The following NEDD9 variants were observed in gnomAD, a reference collection of about 807,000 sequenced individuals.
The protein encoded by NEDD9 is neural precursor cell expressed, developmentally down-regulated 9.
Under a neutral mutation model 76.6 loss-of-function variants are expected in NEDD9, and 26 were observed. The observed-to-expected ratio is 0.34, with a 90% CI of 0.25 to 0.47. The LOEUF (loss-of-function observed/expected upper bound fraction) is 0.47, where lower values mean the gene tolerates loss of function less well. Among genes scored for constraint, NEDD9 ranks in the 20% least tolerant of loss-of-function variants. The probability of loss-of-function intolerance (pLI) is 1.00; values close to 1 mark genes in which losing one functional copy is unlikely to be tolerated. For synonymous variants in NEDD9, 392 were observed against 414.2 expected, an observed-to-expected ratio of 0.95 and a Z score of 0.65; for missense variants, 937 against 1,058.5, an observed-to-expected ratio of 0.89 and a Z score of 1.59.
At chr6:11,219,144 G>A (rs1362776062) in intron 1 of NEDD9, among the ~76,000 whole-genome samples, 2 of 152,142 alleles carry the variant, frequency 1.3e-5, no homozygotes, top group Non-Finnish European at 2.9e-5. Flanking sequence ...GGTACAGAGA[G>A]CTCTAGGACA....
chr6:11,187,873 A>C (rs949432565), intron 6 of NEDD9, among the ~76,000 whole-genome samples: 2 of 152,218 alleles, frequency 1.3e-5, no homozygotes, highest in African/African-American at 4.8e-5. Flanking sequence ...TCTGTTACTG[A>C]ATTCCCCTAC....
upstream of NEDD9, among the ~76,000 whole-genome samples, chr6:11,235,495 T>C (rs1408510260): frequency 6.6e-6 from 1 of 152,130 alleles, no homozygotes; most frequent in East Asian, 1.9e-4. This position sits in a 1 kb window ranked among gnomAD's most constrained non-coding sequence, Gnocchi z 4.1. Flanking sequence ...TACAGTCTAG[T>C]GAGAGTTGAG....
At chr6:11,244,315 C>T (rs1227397362) in intron 3 of NEDD9, among the ~76,000 whole-genome samples, 1 of 152,210 alleles carries the variant, frequency 6.6e-6, no homozygotes, top group Non-Finnish European at 1.5e-5. Flanking sequence ...ACACACATGT[C>T]CTGGAGAACC....
intron 2 of NEDD9, among the ~76,000 whole-genome samples, chr6:11,322,729 T>C (rs148833819): frequency 1.9e-3 from 297 of 152,348 alleles, no homozygotes; most frequent in African/African-American, 6.7e-3. Context: ...CGGAATGACG[T>C]GTTTCATCAG....
intron 1 of NEDD9, among the ~76,000 whole-genome samples, chr6:11,341,361 GA>G (rs1457769461): frequency 6.6e-6 from 1 of 152,152 alleles, no homozygotes; most frequent in Non-Finnish European, 1.5e-5. Flanking sequence ...GCAGGGATCA[GA>G]ATCTGAGGCA....
intron 2 of NEDD9, among the ~76,000 whole-genome samples, chr6:11,319,818 A>T (rs1761742054): frequency 6.8e-6 from 1 of 147,786 alleles, no homozygotes; most frequent in South Asian, 2.1e-4. Context: ...GCACACTTGC[A>T]CTAACAAGCA....
At chr6:11,280,986 C>G (rs1760525014) in intron 3 of NEDD9, among the ~76,000 whole-genome samples, 1 of 152,214 alleles carries the variant, frequency 6.6e-6, no homozygotes, top group East Asian at 1.9e-4. Flanking sequence ...CTCTTTGAAC[C>G]CACAGATTCT....
At chr6:11,344,045 C>CA (rs756610345) in intron 1 of NEDD9, among the ~76,000 whole-genome samples, 3 of 152,142 alleles carry the variant, frequency 2.0e-5, no homozygotes, top group Non-Finnish European at 4.4e-5. Flanking sequence ...TCTCAAGAGA[C>CA]AGGGTGAGTA....
At chr6:11,202,789 T>G (rs527310054) in intron 2 of NEDD9, among the ~76,000 whole-genome samples, 1 of 152,364 alleles carries the variant, frequency 6.6e-6, no homozygotes, top group East Asian at 1.9e-4. Context: ...TCCCCATGTA[T>G]TTTTGAAGGT....
At chr6:11,254,880 C>T (rs576262075) in intron 3 of NEDD9, among the ~76,000 whole-genome samples, 59 of 152,250 alleles carry the variant, frequency 3.9e-4, no homozygotes, top group Admixed American at 1.3e-3. Flanking sequence ...TTGCCACCTG[C>T]GATTATTCCT....
intron 1 of NEDD9, among the ~76,000 whole-genome samples, chr6:11,347,017 A>G (rs1030626082): frequency 4.6e-5 from 7 of 152,020 alleles, no homozygotes; most frequent in African/African-American, 1.7e-4. Context: ...GAGGCCCCAA[A>G]GCACAACTCA....
At chr6:11,194,789 C>A (rs974509511) in intron 2 of NEDD9, among the ~76,000 whole-genome samples, 20 of 152,350 alleles carry the variant, frequency 1.3e-4, no homozygotes, top group Admixed American at 1.0e-3. Flanking sequence ...TCTTACCTAG[C>A]AGCCTCCTGT....
At chr6:11,238,353 A>C (rs1759649924) in intron 3 of NEDD9, among the ~76,000 whole-genome samples, 1 of 152,182 alleles carries the variant, frequency 6.6e-6, no homozygotes, top group Non-Finnish European at 1.5e-5. Flanking sequence ...CCATGGAGCT[A>C]TATTGCTGCC....
intron 3 of NEDD9, among the ~76,000 whole-genome samples, chr6:11,265,727 G>A (rs1385774729): frequency 6.6e-6 from 1 of 152,066 alleles, no homozygotes; most frequent in Non-Finnish European, 1.5e-5. Context: ...AAAGATAACT[G>A]TATTTACATG....
In NEDD9 at chr6:11,205,636, T is replaced by G. The variant is rs193147469; in HGVS notation, c.459+7645A>C. On this transcript the variant is annotated intron_variant, in intron 2 of 6. Coordinates refer to ENST00000379446, the MANE Select transcript of NEDD9 (RefSeq NM_006403.4). The stretch of plus-strand genomic sequence containing the variant: ...TACTGGAGTTACATCCTACTTTTTT[T>G]TTTTTTTGAGACAGAGTTTTGCTCT... Among the ~76,000 whole-genome samples the G allele has an allele frequency of 3.1e-3, 471 of 152,230 alleles. 1 individual carries two copies. Among genetic ancestry groups the G allele is most frequent in the Non-Finnish European group, 4.5e-3 (304 of 67,992 alleles).
At chr6:11,229,202 T>C (rs1431167722) in intron 1 of NEDD9, among the ~76,000 whole-genome samples, 1 of 152,234 alleles carries the variant, frequency 6.6e-6, no homozygotes, top group Non-Finnish European at 1.5e-5. Flanking sequence ...GTAAGTTCCG[T>C]CTGTAATTTT....
chr6:11,265,379 T>C (rs1252546643), intron 3 of NEDD9, among the ~76,000 whole-genome samples: 4 of 152,252 alleles, frequency 2.6e-5, no homozygotes, highest in African/African-American at 7.2e-5. Context: ...TTTTCATTTT[T>C]TTCTGGTTTT....
At chr6:11,192,302 C>A (rs903266876) in intron 4 of NEDD9, 43 bp downstream of exon 4, 2 of 770,900 alleles carry the variant, frequency 2.6e-6, no homozygotes, top group South Asian at 3.4e-5. Context: ...CACACAGACA[C>A]ACACACACAC....
At chr6:11,346,518 G>A (rs908888695) in intron 1 of NEDD9, among the ~76,000 whole-genome samples, 1 of 151,788 alleles carries the variant, frequency 6.6e-6, no homozygotes, top group Non-Finnish European at 1.5e-5. Context: ...CTCTTTACTG[G>A]GTAAAATAAA....
Sources: allele counts gnomAD v4.1 joint callset (sites outside exome capture counted in the v4.1 genomes callset), GRCh38; gene constraint gnomAD v4.1.1; non-coding constraint Gnocchi (gnomAD v3.1); transcripts MANE v1.5; gene names NCBI Gene and HGNC (gene_info 2026-07-23, HGNC 2026-07-21).